PPP6R3: variants seen among roughly 807,000 people sequenced by gnomAD.
PPP6R3 encodes the protein serine/threonine-protein phosphatase 6 regulatory subunit 3.
Under a neutral mutation model 110.7 loss-of-function variants are expected in PPP6R3, and 38 were observed. The ratio of observed to expected loss-of-function variants is 0.34; its 90% CI spans 0.26 to 0.45. The LOEUF is 0.45. Among genes scored for constraint, PPP6R3 ranks in the 20% least tolerant of loss-of-function variants. The pLI is 1.00. For missense variants in PPP6R3, 870 were observed against 1,062.4 expected (o/e 0.82, Z 2.52); for synonymous variants, 369 against 373.5 (o/e 0.99, Z 0.14).
intron 3 of PPP6R3, 150 bp downstream of exon 3, chr11:68,538,041 TC>T: frequency 1.9e-6 from 1 of 532,966 alleles, no homozygotes; most frequent in Non-Finnish European, 3.1e-6. Context: ...GAGCGCAAAA[TC>T]CATTCTAGCA....
chr11:68,532,923 C>T (rs939888847), intron 2 of PPP6R3, among the ~76,000 whole-genome samples: 3 of 152,298 alleles, frequency 2.0e-5, no homozygotes, highest in East Asian at 3.9e-4. Flanking sequence ...GTTTGCACAA[C>T]GACGAAGTCA....
chr11:68,495,418 A>G lies in PPP6R3; in HGVS notation c.-157-24083A>G, dbSNP rs2099009454. ...TTTAGTATATTCATGGAGTTGTACAACTGTCATCACAATCACTTAGAATAT... is the reference window on the plus strand; with the variant it reads ...TTTAGTATATTCATGGAGTTGTACAGCTGTCATCACAATCACTTAGAATAT... On this transcript the variant is annotated intron_variant, in intron 1 of 23. Coordinates refer to ENST00000393800, the MANE Select transcript of PPP6R3 (RefSeq NM_001164161.2). Among the ~76,000 whole-genome samples the G allele has an allele frequency of 2.0e-5, 3 of 152,224 alleles. No individual in the cohort carries two copies. In the South Asian group the frequency reaches 6.2e-4, roughly 31 times the overall value.
intron 1 of PPP6R3, among the ~76,000 whole-genome samples, chr11:68,499,114 T>C (rs1476825604): frequency 6.6e-6 from 1 of 152,214 alleles, no homozygotes; most frequent in Non-Finnish European, 1.5e-5. Flanking sequence ...TTTTTTTCTA[T>C]TATCTTTTTT....
At chr11:68,612,227 A>G (rs186760476) in intron 23 of PPP6R3, among the ~76,000 whole-genome samples, 192 of 152,358 alleles carry the variant, frequency 1.3e-3, no homozygotes, top group Non-Finnish European at 2.1e-3. Flanking sequence ...ACACGGAGCC[A>G]CCATCAGATG....
chr11:68,493,455 CAG>C (rs1271428960), intron 1 of PPP6R3, among the ~76,000 whole-genome samples: 3 of 151,506 alleles, frequency 2.0e-5, no homozygotes, highest in Non-Finnish European at 4.4e-5. Flanking sequence ...TTTTTAGAGA[CAG>C]AGTCTTGCTT....
chr11:68,477,066 A>G (rs981126352), intron 1 of PPP6R3, among the ~76,000 whole-genome samples: 1 of 152,050 alleles, frequency 6.6e-6, no homozygotes, highest in Non-Finnish European at 1.5e-5. Flanking sequence ...AATGTGGTCT[A>G]ATGCGATTTT....
chr11:68,461,907 C>A (rs772145822), intron 1 of PPP6R3, among the ~76,000 whole-genome samples: 1 of 152,208 alleles, frequency 6.6e-6, no homozygotes, highest in Non-Finnish European at 1.5e-5. Flanking sequence ...AACCACCGAA[C>A]TGTGCCTCAA....
intron 14 of PPP6R3, among the ~76,000 whole-genome samples, chr11:68,576,407 A>G (rs1312017640): frequency 6.6e-6 from 1 of 152,208 alleles, no homozygotes; most frequent in Non-Finnish European, 1.5e-5. Flanking sequence ...TGCTTAGGAA[A>G]GCGAAAGATT....
Position 68,614,781 on chromosome 11 carries a change from T to G in PPP6R3, c.*1664T>G. 1 of 1,537,078 alleles carries G rather than the reference T, an allele frequency of 6.5e-7. No individual in the cohort carries two copies. Among genetic ancestry groups the G allele is most frequent in the Non-Finnish European group, 8.8e-7 (1 of 1,135,678 alleles). On this transcript the variant is annotated 3_prime_UTR_variant, in exon 24 of 24. Coordinates refer to ENST00000393800, the MANE Select transcript of PPP6R3 (RefSeq NM_001164161.2). Reference sequence around the variant, plus strand: ...TCTCTGAAGAGACTGTCCTTGGGCCTCCTCTGGAAGCAGCACCCCCAGAGG... The same window carrying G: ...TCTCTGAAGAGACTGTCCTTGGGCCGCCTCTGGAAGCAGCACCCCCAGAGG...
intron 2 of PPP6R3, among the ~76,000 whole-genome samples, chr11:68,532,338 G>A (rs1432642297): frequency 8.5e-5 from 13 of 152,200 alleles, no homozygotes. Context: ...GGAAGGTGGG[G>A]AACAGCAGAC....
At chr11:68,565,265 A>G (rs2099457147) in intron 9 of PPP6R3, among the ~76,000 whole-genome samples, 1 of 152,014 alleles carries the variant, frequency 6.6e-6, no homozygotes, top group Non-Finnish European at 1.5e-5. Context: ...AAGGGAGTCT[A>G]GTTCAGCTCC....
rs553502065 is a variant in PPP6R3 at position 68,547,958 on chromosome 11, C to T, written c.415-109C>T. The T allele has an allele frequency of 4.6e-4, 526 of 1,148,632 alleles. 1 individual carries two copies. Among genetic ancestry groups the T allele is most frequent in the Non-Finnish European group, 5.9e-4 (501 of 843,870 alleles). 71.2% of individuals were successfully genotyped at this position (1,148,632 alleles called of 1,614,324 possible). A position where few individuals can be genotyped will look rare whatever the true frequency, so the allele number is the denominator to read the frequency against. On this transcript the variant is annotated intron_variant, in intron 4 of 23. Transcript: ENST00000393800. ...TGCTAATTCAGCATTTGCCATTTCT[C>T]AACCTAAAGTAGTGGTAGAATTTGG... is the stretch of plus-strand genomic sequence containing the variant.
intron 2 of PPP6R3, among the ~76,000 whole-genome samples, chr11:68,525,191 A>C (rs1452134344): frequency 6.6e-6 from 1 of 152,258 alleles, no homozygotes; most frequent in Non-Finnish European, 1.5e-5. Flanking sequence ...TCCATCTGCA[A>C]AATGAGAACA....
rs567225836 is a variant in PPP6R3 at position 68,464,074 on chromosome 11, T to C, written c.-158+3247T>C. ...TTAGAATAAGCCTGCATTAGAATAA[T>C]TAGAAATTTTTTAAGACCATGGATG... On this transcript the variant is annotated intron_variant, in intron 1 of 23. Transcript: ENST00000393800. Among the ~76,000 whole-genome samples, 3 of 152,184 alleles carry C rather than the reference T, an allele frequency of 2.0e-5. No homozygotes were observed. The South Asian group carries it at 6.2e-4, about 32-fold the overall frequency.
intron 8 of PPP6R3, among the ~76,000 whole-genome samples, chr11:68,560,714 C>T (rs1244653492): frequency 2.0e-5 from 3 of 152,180 alleles, no homozygotes; most frequent in Non-Finnish European, 2.9e-5. Context: ...TAGTGAACTA[C>T]ACAAAATCAT....
intron 1 of PPP6R3, among the ~76,000 whole-genome samples, chr11:68,511,645 TA>T (rs762910451): frequency 6.6e-5 from 10 of 151,848 alleles, no homozygotes; most frequent in Non-Finnish European, 1.3e-4. Context: ...CACACCTGGC[TA>T]ATTTTTGTAT....
At chr11:68,509,200 C>A (rs954942368) in intron 1 of PPP6R3, among the ~76,000 whole-genome samples, 1 of 152,206 alleles carries the variant, frequency 6.6e-6, no homozygotes, top group Non-Finnish European at 1.5e-5. Context: ...CTTTAGTGTT[C>A]TTTAGGGAGA....
chr11:68,603,628 A>G, intron 22 of PPP6R3, 136 bp downstream of exon 22: 1 of 1,098,630 alleles, frequency 9.1e-7, no homozygotes. Context: ...TGTTGTCTCC[A>G]TTAAACACAA....
At chr11:68,471,282 C>CA (rs34619002) in intron 1 of PPP6R3, among the ~76,000 whole-genome samples, 1,168 of 56,838 alleles carry the variant, frequency 0.021, 17 homozygotes, top group East Asian at 0.14. Context: ...GATTCTGTCT[C>CA]AAAAAAAAAA....
Sources: gnomAD v4.1 joint callset for allele counts (sites outside exome capture counted in the v4.1 genomes callset) on GRCh38, gnomAD v4.1.1 for gene constraint, MANE v1.5 for transcripts, NCBI Gene and HGNC (gene_info 2026-07-23, HGNC 2026-07-21) for gene names.